Variants in GNA13 observed in about 807,000 individuals in gnomAD.
GNA13 encodes the protein G protein subunit alpha 13.
A neutral mutation model predicts 33.5 loss-of-function variants in GNA13; 4 were observed. That is an observed-to-expected ratio of 0.12 (90% CI 0.06 to 0.27). The LOEUF (loss-of-function observed/expected upper bound fraction) is 0.27. Among genes scored for constraint, GNA13 ranks in the 10% least tolerant of loss-of-function variants. GNA13 has a pLI of 1.00. For missense variants in GNA13, 319 were observed against 487.2 expected, an observed-to-expected ratio of 0.65 and a Z score of 3.25; for synonymous variants, 176 against 183.8, an observed-to-expected ratio of 0.96 and a Z score of 0.34.
intron 2 of GNA13, among the ~76,000 whole-genome samples, chr17:65,044,302 T>A (rs780670454): frequency 1.2e-4 from 19 of 152,240 alleles, no homozygotes; most frequent in Non-Finnish European, 2.2e-4. Context: ...CAGCTCATTC[T>A]AATACTGCTC....
chr17:65,031,876 G>GAA (rs1907031291), intron 2 of GNA13, among the ~76,000 whole-genome samples: 2 of 121,330 alleles, frequency 1.6e-5, no homozygotes, highest in African/African-American at 6.4e-5. Flanking sequence ...TAGAGAGAGA[G>GAA]AGAGAGAGAG....
chr17:65,026,462 T>A (rs1906788494), intron 2 of GNA13, among the ~76,000 whole-genome samples: 1 of 152,202 alleles, frequency 6.6e-6, no homozygotes, highest in Non-Finnish European at 1.5e-5. Context: ...AACAAAACAG[T>A]ACTCATTTTC....
At position 65,056,505 on chromosome 17, in the gene GNA13, T is replaced by C. The variant is rs1055360347; in HGVS notation, c.89A>G (p.Lys30Arg). The change falls in exon 1 of 4, where the codon AAG becomes AGG. Residue 30 changes from lysine to arginine, a missense_variant. Coordinates refer to ENST00000439174, the MANE Select transcript of GNA13 (RefSeq NM_006572.6). ...CAGGCATTTGTCGATCTCCTTGGAC[T>C]TGCGTTGCTGCTCGGCCTCGCCACT... ...LTSGEAEQQR[K>R]SKEIDKCLSR... The C allele has an allele frequency of 1.9e-6, 3 of 1,613,468 alleles. No homozygotes were observed. The highest frequency in any genetic ancestry group is 2.5e-6 in the Non-Finnish European group (3 of 1,179,818).
At position 65,011,310 on chromosome 17, in the gene GNA13, A is replaced by G. The variant is rs1456045545; in HGVS notation, c.*2947T>C. The G allele has an allele frequency of 1.0e-5, 2 of 197,922 alleles. No homozygotes were observed. Among genetic ancestry groups the G allele is most frequent in the African/African-American group, 2.3e-5 (1 of 43,328 alleles). The allele number at this position is 197,922 out of a possible 1,614,324, so 12.3% of individuals were successfully genotyped here. On this transcript the variant is annotated 3_prime_UTR_variant, in exon 4 of 4. Coordinates refer to ENST00000439174, the MANE Select transcript of GNA13 (RefSeq NM_006572.6). ...CTCTATGCAAATTACATGCCAATACACCTTAAAAGAAAATAAGACAAAAGT... is the reference window on the plus strand; with the variant it reads ...CTCTATGCAAATTACATGCCAATACGCCTTAAAAGAAAATAAGACAAAAGT...
chr17:65,051,664 T>A (rs1262601326), intron 2 of GNA13, among the ~76,000 whole-genome samples: 1 of 152,152 alleles, frequency 6.6e-6, no homozygotes, highest in Non-Finnish European at 1.5e-5. Context: ...GAAAGGGGTA[T>A]ATGGAAGAAC....
chr17:65,049,663 A>T (rs1907792778), intron 2 of GNA13, among the ~76,000 whole-genome samples: 1 of 152,186 alleles, frequency 6.6e-6, no homozygotes, highest in Admixed American at 6.5e-5. Context: ...TGCTTCAAAT[A>T]AAGAGACACA....
At chr17:65,019,418 A>C (rs1182586217) in intron 2 of GNA13, among the ~76,000 whole-genome samples, 1 of 152,210 alleles carries the variant, frequency 6.6e-6, no homozygotes, top group Non-Finnish European at 1.5e-5. Flanking sequence ...GAAGCAGCCT[A>C]AGTGTCCATC....
At chr17:65,034,561 G>C (rs1907175668) in intron 2 of GNA13, among the ~76,000 whole-genome samples, 1 of 152,064 alleles carries the variant, frequency 6.6e-6, no homozygotes, top group Non-Finnish European at 1.5e-5. Flanking sequence ...GCCTCCCAAA[G>C]TGCTGGGATT....
Position 65,013,334 on chromosome 17 carries a change from A to G in GNA13, c.*923T>C. 1 of 209,492 alleles carries G rather than the reference A, an allele frequency of 4.8e-6. No homozygotes were observed. The highest frequency in any genetic ancestry group is 2.3e-5 in the African/African-American group (1 of 44,174). The allele number at this position is 209,492 out of a possible 1,614,324, so 13.0% of individuals were successfully genotyped here. A position where few individuals can be genotyped will look rare whatever the true frequency, so the allele number is the denominator to read the frequency against. On this transcript the variant is annotated 3_prime_UTR_variant, in exon 4 of 4. Coordinates refer to ENST00000439174, the MANE Select transcript of GNA13 (RefSeq NM_006572.6). Reference sequence around the variant, plus strand: ...TGATGATACAACAATGATTTCCTACAGTAAGGATTGGTCTTTACTGACCAA... The same window carrying G: ...TGATGATACAACAATGATTTCCTACGGTAAGGATTGGTCTTTACTGACCAA...
chr17:65,025,207 G>C (rs1906731794), intron 2 of GNA13, among the ~76,000 whole-genome samples: 1 of 152,132 alleles, frequency 6.6e-6, no homozygotes, highest in Non-Finnish European at 1.5e-5. Flanking sequence ...TGTAAAAGTG[G>C]ATTTCAAGCA....
intron 2 of GNA13, among the ~76,000 whole-genome samples, chr17:65,028,308 T>C (rs1200124448): frequency 3.3e-5 from 5 of 150,010 alleles, no homozygotes; most frequent in Non-Finnish European, 5.9e-5. Context: ...GGGAGGGAGG[T>C]TGAGGCAGGA....
intron 2 of GNA13, among the ~76,000 whole-genome samples, chr17:65,026,668 T>G (rs1303046645): frequency 1.3e-5 from 2 of 152,236 alleles, no homozygotes; most frequent in Non-Finnish European, 2.9e-5. Context: ...ATGAACCCCC[T>G]TTTAAGAAAA....
At chr17:65,040,961 T>C (rs1394139834) in intron 2 of GNA13, among the ~76,000 whole-genome samples, 1 of 152,210 alleles carries the variant, frequency 6.6e-6, no homozygotes, top group Non-Finnish European at 1.5e-5. Context: ...TCATTGCTAG[T>C]AGCTTCCATA....
Position 65,010,116 on chromosome 17 carries a change from C to T in GNA13, c.*4141G>A, listed in dbSNP as rs894381646. On this transcript the variant is annotated 3_prime_UTR_variant, in exon 4 of 4. Coordinates refer to ENST00000439174, the MANE Select transcript of GNA13 (RefSeq NM_006572.6). ...TCAAAACAATGTTCATATAAGCTCT[C>T]GCATTTGAAACCAGATGGTAAGACC... is the stretch of plus-strand genomic sequence containing the variant. 7.2e-5 allele frequency among the ~76,000 whole-genome samples: 11 copies of T among 152,194 alleles called. No individual in the cohort carries two copies. Among genetic ancestry groups the T allele is most frequent in the East Asian group, 3.8e-4 (2 of 5,202 alleles).
intron 2 of GNA13, among the ~76,000 whole-genome samples, chr17:65,042,873 G>A (rs550366927): frequency 6.6e-6 from 1 of 152,218 alleles, no homozygotes; most frequent in South Asian, 2.1e-4. Flanking sequence ...TTGGTAATGA[G>A]GTTTAGAGAG....
intron 2 of GNA13, among the ~76,000 whole-genome samples, chr17:65,050,002 G>C (rs1907804921): frequency 6.6e-6 from 1 of 152,182 alleles, no homozygotes; most frequent in Admixed American, 6.5e-5. Context: ...GGAATCAAGA[G>C]ATTACAGAGT....
chr17:65,056,278 C>CGGCCA, intron 1 of GNA13, 33 bp downstream of exon 1: 1 of 1,511,444 alleles, frequency 6.6e-7, no homozygotes, highest in Non-Finnish European at 9.0e-7. Context: ...CCCCCCTGCC[C>CGGCCA]TTAACCCCCG....
At chr17:65,026,098 T>C (rs1026565215) in intron 2 of GNA13, among the ~76,000 whole-genome samples, 3 of 151,944 alleles carry the variant, frequency 2.0e-5, no homozygotes, top group Non-Finnish European at 4.4e-5. Context: ...CAAACATTAC[T>C]ATGATTTTAT....
intron 2 of GNA13, among the ~76,000 whole-genome samples, chr17:65,039,623 TCATC>T (rs1907384871): frequency 6.6e-6 from 1 of 152,230 alleles, no homozygotes; most frequent in Non-Finnish European, 1.5e-5. Flanking sequence ...GAGGACTTTC[TCATC>T]CATGGGATCT....
Sources: gnomAD v4.1 joint callset for allele counts (sites outside exome capture counted in the v4.1 genomes callset) on GRCh38, gnomAD v4.1.1 for gene constraint, MANE v1.5 for transcripts, NCBI Gene and HGNC (gene_info 2026-07-23, HGNC 2026-07-21) for gene names.